BRCA2: variants seen among roughly 807,000 people sequenced by gnomAD.
The protein encoded by BRCA2 is breast cancer type 2 susceptibility protein.
A neutral mutation model predicts 276.7 loss-of-function variants in BRCA2; 203 were observed. That is an observed-to-expected ratio of 0.73 (90% confidence interval 0.65 to 0.82). The LOEUF (loss-of-function observed/expected upper bound fraction) is 0.82. BRCA2 is among the 40% of genes least tolerant of loss of function. BRCA2 has a pLI of 0.00. For synonymous variants in BRCA2, 1,289 were observed against 1,338.4 expected (o/e 0.96, Z 0.81); for missense variants, 3,920 against 3,915.0 (o/e 1.00, Z -0.03).
At chr13:32,315,695 C>A (rs1173481999) in intron 1 of BRCA2, 28 bp downstream of exon 1, 1 of 152,784 alleles carries the variant, frequency 6.5e-6, no homozygotes, top group Non-Finnish European at 1.5e-5. Context: ...TGGGTTGGGA[C>A]GAGCGCGTCT....
intron 12 of BRCA2, among the ~76,000 whole-genome samples, chr13:32,346,438 G>A (rs2072611294): frequency 6.6e-6 from 1 of 151,992 alleles, no homozygotes; most frequent in Non-Finnish European, 1.5e-5. Flanking sequence ...TTTCCAACTA[G>A]TGGACTTATT....
intron 2 of BRCA2, among the ~76,000 whole-genome samples, chr13:32,317,259 A>G (rs1039728140): frequency 2.6e-5 from 4 of 152,222 alleles, no homozygotes; most frequent in African/African-American, 9.6e-5. Context: ...AAATAATGAA[A>G]GCTAACCCAT....
chr13:32,321,411 C>T (rs1399278297), intron 3 of BRCA2, among the ~76,000 whole-genome samples: 4 of 152,132 alleles, frequency 2.6e-5, no homozygotes, highest in African/African-American at 9.7e-5. Flanking sequence ...GTACCAAGTG[C>T]ATGAAAAGTG....
chr13:32,316,178 A>G (rs1272267965), intron 1 of BRCA2, among the ~76,000 whole-genome samples: 1 of 152,112 alleles, frequency 6.6e-6, no homozygotes, highest in Admixed American at 6.5e-5. Context: ...TTGAAACTAA[A>G]TCGTATGAAA....
In BRCA2 at chr13:32,339,421, C is replaced by T; in HGVS notation, c.5066C>T (p.Ala1689Val). Residue 1689 changes from alanine (A) to valine (V), a missense_variant, in exon 11 of 27, where the codon GCA becomes GTA. Transcript: ENST00000380152. ...GTGAGTCAGACTTCATTACTTGAAGCAAAAAAATGGCTTAGAGAAGGAATA... is the reference window on the plus strand; with the variant it reads ...GTGAGTCAGACTTCATTACTTGAAGTAAAAAAATGGCTTAGAGAAGGAATA... ...TSVSQTSLLEAKKWLREGIFD... is the reference protein window; with the variant it reads ...TSVSQTSLLEVKKWLREGIFD... 1 of 1,589,618 alleles carries T rather than the reference C, an allele frequency of 6.3e-7. No homozygotes were observed. The highest frequency in any genetic ancestry group is 8.5e-7 in the Non-Finnish European group (1 of 1,169,776).
At chr13:32,324,944 C>T (rs2072332301) in intron 3 of BRCA2, 132 bp from the exon 4 acceptor site, 2 of 675,930 alleles carry the variant, frequency 3.0e-6, no homozygotes, top group Non-Finnish European at 5.2e-6. Context: ...AACTGAAAAA[C>T]CTCTTCTTAC....
rs1593890129 is a variant in BRCA2 at position 32,330,939 on chromosome 13, C to T, written c.702C>T (p.Ser234=). 1.2e-6 allele frequency: 2 copies of T among 1,611,350 alleles called. No individual in the cohort carries two copies. The highest frequency in any genetic ancestry group is 1.7e-6 in the Non-Finnish European group (2 of 1,177,978). ...DTTANVKSYF[S]NHDESLKKND... ...TGCAGAATGTGAAAAGCTATTTTTCCAATCATGATGAAAGTCTGAAGAAAA... is the reference window on the plus strand; with the variant it reads ...TGCAGAATGTGAAAAGCTATTTTTCTAATCATGATGAAAGTCTGAAGAAAA... The change falls in exon 9 of 27, where the codon TCC becomes TCT. Residue 234 remains serine (S), a synonymous_variant. Transcript: ENST00000380152.
chr13:32,397,677 C>G (rs1004861825), intron 26 of BRCA2, among the ~76,000 whole-genome samples: 1 of 152,202 alleles, frequency 6.6e-6, no homozygotes. Context: ...TTCCGAGAAC[C>G]TATCAATTAT....
rs397507315 is a variant in BRCA2, at chr13:32,338,149, G to T, written c.3794G>T (p.Cys1265Phe). 2 of 1,599,690 alleles carry T rather than the reference G, an allele frequency of 1.3e-6. No individual in the cohort carries two copies. The highest frequency in any genetic ancestry group is 4.5e-5 in the East Asian group (2 of 44,786). Residue 1265 changes from cysteine to phenylalanine, a missense_variant, in exon 11 of 27, where the codon TGT (cysteine) becomes TTT (phenylalanine). Around this residue, in one of 2 missense-constraint regions of BRCA2, gnomAD observed 3,263 missense variants for 3,156.9 expected, o/e 1.03. Coordinates refer to ENST00000380152, the MANE Select transcript of BRCA2 (RefSeq NM_000059.4). ...VHPISLSSSK[C>F]HDSVVSMFKI... ...CCAATAAGTTTATCTTCAAGTAAAT[G>T]TCATGATTCTGTTGTTTCAATGTTT...
At chr13:32,352,275 C>T (rs1270663888) in intron 13 of BRCA2, among the ~76,000 whole-genome samples, 3 of 151,300 alleles carry the variant, frequency 2.0e-5, no homozygotes, top group East Asian at 1.9e-4. Flanking sequence ...AAAGGAAATA[C>T]GTATTTACCC....
chr13:32,316,007 TG>T (rs1566214248), intron 1 of BRCA2, among the ~76,000 whole-genome samples: 1 of 152,240 alleles, frequency 6.6e-6, no homozygotes, highest in Admixed American at 6.5e-5. Context: ...ATTGCTGTTT[TG>T]GGGAAGTGTT....
intron 26 of BRCA2, 54 bp from the exon 27 acceptor site, chr13:32,398,108 G>A (rs2073048378): frequency 6.5e-7 from 1 of 1,544,906 alleles, no homozygotes; most frequent in South Asian, 1.2e-5. Flanking sequence ...CTTTGATTTA[G>A]TTTTTTATGT....
At chr13:32,366,952 A>C (rs2072787143) in intron 18 of BRCA2, among the ~76,000 whole-genome samples, 1 of 152,178 alleles carries the variant, frequency 6.6e-6, no homozygotes, top group Non-Finnish European at 1.5e-5. Context: ...TTTCTCTTAA[A>C]AGGATGCAAG....
chr13:32,355,741 G>A (rs918048868), intron 14 of BRCA2, among the ~76,000 whole-genome samples: 30 of 151,608 alleles, frequency 2.0e-4, no homozygotes, highest in Admixed American at 1.3e-3. Context: ...ATAGCTGAGC[G>A]TGGTGGCAGG....
chr13:32,331,126 T>C, intron 9 of BRCA2, 96 bp downstream of exon 9: 1 of 872,000 alleles, frequency 1.1e-6, no homozygotes, highest in Non-Finnish European at 1.8e-6. Context: ...ACCCGTGATC[T>C]CGGTTTACCG....
rs2138704833 is a variant in BRCA2, at chr13:32,319,215, C to T, written c.206C>T (p.Pro69Leu). 6.2e-7 allele frequency: 1 copy of T among 1,613,752 alleles called. No homozygotes were observed. The highest frequency in any genetic ancestry group is 2.2e-5 in the East Asian group (1 of 44,874). The change falls in exon 3 of 27, where the codon CCA (proline) becomes CTA (leucine). Residue 69 changes from proline (P) to leucine (L), a missense_variant. Pro to Leu is a moderately conservative substitution (Grantham distance 98). This residue lies in a region of BRCA2 where 3,263 missense variants were observed against 3,156.9 expected (regional missense o/e 1.03). Coordinates refer to ENST00000380152, the MANE Select transcript of BRCA2 (RefSeq NM_000059.4). Reference protein sequence around the residue: ...PNLFKTPQRKPSYNQLASTPI... With the variant: ...PNLFKTPQRKLSYNQLASTPI... Reference sequence around the variant, plus strand: ...CTATTTAAAACTCCACAAAGGAAACCATCTTATAATCAGCTGGCTTCAACT... The same window carrying T: ...CTATTTAAAACTCCACAAAGGAAACTATCTTATAATCAGCTGGCTTCAACT...
chr13:32,388,079 C>T (rs570242087), intron 24 of BRCA2, among the ~76,000 whole-genome samples: 2 of 151,728 alleles, frequency 1.3e-5, no homozygotes, highest in South Asian at 2.1e-4. Flanking sequence ...CGAGAACACC[C>T]GCTAAGCCGC....
chr13:32,366,841 C>T (rs1253467440), intron 18 of BRCA2, among the ~76,000 whole-genome samples: 1 of 140,868 alleles, frequency 7.1e-6, no homozygotes, highest in Non-Finnish European at 1.5e-5. Context: ...AAAAAATATG[C>T]TTATTGGTTT....
At chr13:32,355,364 G>C (rs2137559543) in intron 14 of BRCA2, 76 bp downstream of exon 14, 1 of 1,524,618 alleles carries the variant, frequency 6.6e-7, no homozygotes, top group South Asian at 1.2e-5. Flanking sequence ...TGTCCTGATG[G>C]TTTTCCCCCT....
Sources: gnomAD v4.1 joint callset for allele counts (sites outside exome capture counted in the v4.1 genomes callset) on GRCh38, gnomAD v4.1.1 for gene constraint, gnomAD v4.1.1 regional missense constraint, MANE v1.5 for transcripts, NCBI Gene and HGNC (gene_info 2026-07-23, HGNC 2026-07-21) for gene names.